The following URB1 variants were observed in gnomAD, a reference collection of about 807,000 sequenced individuals.
URB1 encodes the protein nucleolar pre-ribosomal-associated protein 1.
URB1 carries 197 observed loss-of-function variants against 242.3 expected under a neutral mutation model. The observed-to-expected ratio is 0.81, with a 90% CI of 0.72 to 0.91. The LOEUF (loss-of-function observed/expected upper bound fraction) is 0.91. Among genes scored for constraint, URB1 ranks in the 40% least tolerant of loss-of-function variants. The probability of loss-of-function intolerance (pLI) is 0.00; values close to 1 mark genes in which losing one functional copy is unlikely to be tolerated. For missense variants in URB1, 2,721 were observed against 2,860.5 expected (o/e 0.95, Z 1.11); for synonymous variants, 1,153 against 1,201.8 (o/e 0.96, Z 0.84).
At chr21:32,349,720 G>A (rs2033135124) in intron 20 of URB1, among the ~76,000 whole-genome samples, 1 of 152,194 alleles carries the variant, frequency 6.6e-6, no homozygotes, top group Non-Finnish European at 1.5e-5. Flanking sequence ...AAAGGGACAG[G>A]CCCACCTCAA....
At chr21:32,360,934 C>CAG in intron 13 of URB1, 73 bp downstream of exon 13, 2 of 1,109,104 alleles carry the variant, frequency 1.8e-6, no homozygotes, top group Non-Finnish European at 2.5e-6. Context: ...CTTCCTGATT[C>CAG]TTGGCTGCAG....
intron 10 of URB1, among the ~76,000 whole-genome samples, chr21:32,366,149 T>C (rs2033343654): frequency 6.6e-6 from 1 of 152,048 alleles, no homozygotes; most frequent in African/African-American, 2.4e-5. Context: ...TGAAAACAGC[T>C]GGCCTTCAAA....
chr21:32,336,020 G>T (rs1225604020), intron 28 of URB1, among the ~76,000 whole-genome samples: 1 of 152,112 alleles, frequency 6.6e-6, no homozygotes, highest in Non-Finnish European at 1.5e-5. Context: ...GCTGCACTGT[G>T]ATAAAACCCG....
intron 30 of URB1, among the ~76,000 whole-genome samples, chr21:32,330,833 C>G (rs1186863549): frequency 6.6e-6 from 1 of 152,150 alleles, no homozygotes; most frequent in Admixed American, 6.5e-5. Flanking sequence ...GTATGAAATG[C>G]CCCCTGCTCT....
intron 4 of URB1, among the ~76,000 whole-genome samples, chr21:32,379,157 A>C (rs2033493587): frequency 6.6e-6 from 1 of 152,202 alleles, no homozygotes; most frequent in Non-Finnish European, 1.5e-5. Flanking sequence ...ACGTTTGGGG[A>C]GGGCCCCAAC....
In URB1 at chr21:32,322,512, C is replaced by A. The variant is rs1254714391; in HGVS notation, c.5306G>T (p.Gly1769Val). 1.3e-6 allele frequency: 2 copies of A among 1,552,328 alleles called. No individual in the cohort carries two copies. The highest frequency in any genetic ancestry group is 2.4e-5 in the South Asian group (2 of 84,062). Residue 1769 changes from glycine (G) to valine (V), a missense_variant, in exon 33 of 39, where the codon GGC becomes GTC. Gly to Val is a moderately radical substitution (Grantham distance 109). Coordinates refer to ENST00000382751, the MANE Select transcript of URB1 (RefSeq NM_014825.3). ...HEYLNMDKVP[G>V]FYQFFYSSDF... ...GGAGCTGTAGAAGAACTGGTAGAAG[C>A]CTGGCACTTTGTCCATGTTCAAGTA...
In URB1 at chr21:32,312,423, C is replaced by T. The variant is rs570196424; in HGVS notation, c.*2495G>A. Reference sequence around the variant, plus strand: ...AGTTCCCATCCAAGCTCCACTAACACCCGCCGGCTCCCCCAGATGTGATGG... The same window carrying T: ...AGTTCCCATCCAAGCTCCACTAACATCCGCCGGCTCCCCCAGATGTGATGG... On this transcript the variant is annotated 3_prime_UTR_variant, in exon 39 of 39. Transcript: ENST00000382751. The T allele has an allele frequency of 1.3e-5, 10 of 770,926 alleles. No homozygotes were observed. The South Asian group carries it at 2.5e-4, about 19-fold the overall frequency. The allele number at this position is 770,926 out of a possible 1,614,324, so 47.8% of individuals were successfully genotyped here. A position where few individuals can be genotyped will look rare whatever the true frequency, so the allele number is the denominator to read the frequency against.
At chr21:32,378,360 A>C (rs1049119256) in intron 5 of URB1, 85 bp downstream of exon 5, 1 of 1,278,582 alleles carries the variant, frequency 7.8e-7, no homozygotes, top group Non-Finnish European at 1.1e-6. Flanking sequence ...AAGGCTGCAG[A>C]CTTTTTTTGA....
At chr21:32,346,114 G>A (rs1291543650) in intron 22 of URB1, among the ~76,000 whole-genome samples, 3 of 152,160 alleles carry the variant, frequency 2.0e-5, no homozygotes, top group Non-Finnish European at 2.9e-5. Context: ...AGTGCCAGGT[G>A]TTAAAAAGAG....
intron 21 of URB1, among the ~76,000 whole-genome samples, chr21:32,348,161 T>C (rs1048160199): frequency 5.3e-5 from 8 of 152,176 alleles, no homozygotes; most frequent in African/African-American, 1.7e-4. Flanking sequence ...GTGCTCTCTA[T>C]GGTCACTCAG....
chr21:32,349,639 T>C lies in URB1; in HGVS notation c.2833-156A>G, dbSNP rs536762831. Among the ~76,000 whole-genome samples the C allele has an allele frequency of 2.5e-4, 38 of 152,338 alleles. No individual in the cohort carries two copies. In the East Asian group the frequency reaches 2.5e-3, roughly 10 times the overall value. ...GTGTGTGAGACACCCATCAATGCAATGCCATTTCTCAAATAAGAGATGTGT... is the reference window on the plus strand; with the variant it reads ...GTGTGTGAGACACCCATCAATGCAACGCCATTTCTCAAATAAGAGATGTGT... On this transcript the variant is annotated intron_variant, in intron 20 of 38. Transcript: ENST00000382751.
intron 21 of URB1, 123 bp downstream of exon 21, chr21:32,349,181 G>T: frequency 1.5e-6 from 2 of 1,309,908 alleles, no homozygotes; most frequent in Non-Finnish European, 2.0e-6. Flanking sequence ...TATGATCTCT[G>T]CTGTAGTTTC....
At chr21:32,349,253 G>A in intron 21 of URB1, 51 bp downstream of exon 21, 1 of 1,451,228 alleles carries the variant, frequency 6.9e-7, no homozygotes, top group South Asian at 1.5e-5. Flanking sequence ...TGAAGAGAAA[G>A]CCACTGCCCA....
rs1247296191 is a variant in URB1, at chr21:32,314,274, T to C, written c.*644A>G. On this transcript the variant is annotated 3_prime_UTR_variant, in exon 39 of 39. Coordinates refer to ENST00000382751, the MANE Select transcript of URB1 (RefSeq NM_014825.3). ...ATCTCAGCTCACTGTAGCCTCCACC[T>C]CCCAGGTTCAAGCGATTCCCCTGCC... 2.6e-6 allele frequency: 1 copy of C among 380,952 alleles called. No individual in the cohort carries two copies. Among genetic ancestry groups the C allele is most frequent in the East Asian group, 6.3e-5 (1 of 15,772 alleles). The allele number at this position is 380,952 out of a possible 1,614,324, so 23.6% of individuals were successfully genotyped here.
Position 32,319,255 on chromosome 21 carries a change from C to T in URB1, c.5754G>A (p.Glu1918=), listed in dbSNP as rs2032733649. 5.8e-6 allele frequency: 9 copies of T among 1,551,188 alleles called. No homozygotes were observed. Among genetic ancestry groups the T allele is most frequent in the Middle Eastern group, 3.3e-4 (2 of 5,986 alleles). The change falls in exon 36 of 39, where the codon GAG becomes GAA. Residue 1918 remains glutamate (E), a synonymous_variant. Transcript: ENST00000382751. The part of the protein sequence containing the change: ...AKRLALHLVN[E]FLYVLIVLMK... ...TGAGCACGATGAGAACATAAAGGAA[C>T]TCATTGACCAGGTGCAGGGCAAGCC...
intron 21 of URB1, among the ~76,000 whole-genome samples, chr21:32,348,534 T>C (rs1217685270): frequency 1.3e-5 from 2 of 152,130 alleles, no homozygotes; most frequent in Non-Finnish European, 2.9e-5. Context: ...ATTCAGTCAT[T>C]CCTCACAGCC....
chr21:32,373,613 A>G (rs749112841), intron 7 of URB1, 34 bp downstream of exon 7: 13 of 1,520,448 alleles, frequency 8.6e-6, no homozygotes, highest in African/African-American at 1.4e-5. Context: ...AAATTCCAAC[A>G]ACGAGGTCAA....
intron 9 of URB1, 148 bp from the exon 10 acceptor site, chr21:32,366,903 A>C: frequency 1.1e-6 from 1 of 891,914 alleles, no homozygotes. Flanking sequence ...GTGGAAGATT[A>C]ACCCTCAAAT....
At chr21:32,334,137 T>C in intron 29 of URB1, 26 bp downstream of exon 29, 1 of 1,519,008 alleles carries the variant, frequency 6.6e-7, no homozygotes, top group Non-Finnish European at 8.9e-7. Flanking sequence ...AAGGGGTGGG[T>C]AGGGACAGAA....
Sources: allele counts gnomAD v4.1 joint callset (sites outside exome capture counted in the v4.1 genomes callset), GRCh38; gene constraint gnomAD v4.1.1; transcripts MANE v1.5; gene names NCBI Gene and HGNC (gene_info 2026-07-23, HGNC 2026-07-21).